The following TBC1D14 variants were observed in gnomAD, a reference collection of about 807,000 sequenced individuals.
TBC1D14 encodes TBC1 domain family, member 14.
TBC1D14 carries 26 observed loss-of-function variants against 79.0 expected under a neutral mutation model. The observed-to-expected ratio is 0.33, with a 90% CI of 0.24 to 0.46. TBC1D14 has a LOEUF of 0.46. Among genes scored for constraint, TBC1D14 ranks in the 20% least tolerant of loss-of-function variants. TBC1D14 has a pLI of 1.00. For synonymous variants in TBC1D14, 394 were observed against 349.9 expected (o/e 1.13, Z -1.40); for missense variants, 769 against 887.6 (o/e 0.87, Z 1.70).
intron 2 of TBC1D14, among the ~76,000 whole-genome samples, chr4:6,934,282 C>T (rs1302198753): frequency 1.3e-5 from 2 of 151,798 alleles, no homozygotes; most frequent in African/African-American, 4.8e-5. Flanking sequence ...GAAGGCAGGG[C>T]TGGTGAGCTG....
At chr4:6,987,032 T>G in intron 3 of TBC1D14, 73 of 294,688 alleles carry the variant, frequency 2.5e-4, no homozygotes, top group Middle Eastern at 1.4e-3. Flanking sequence ...TCGGCGCGCG[T>G]CCCCGGTGTT....
chr4:7,004,983 T>C, intron 8 of TBC1D14, 59 bp downstream of exon 8: 1 of 1,488,618 alleles, frequency 6.7e-7, no homozygotes, highest in East Asian at 2.3e-5. Context: ...TCATTCTTTA[T>C]TACATAGTGA....
chr4:6,998,975 C>T, intron 5 of TBC1D14, 110 bp from the exon 6 acceptor site: 1 of 961,124 alleles, frequency 1.0e-6, no homozygotes, highest in Non-Finnish European at 1.6e-6. Context: ...GCTCGCTCTG[C>T]TTCAGGGCGG....
chr4:7,002,193 G>A (rs1174454766), intron 7 of TBC1D14, among the ~76,000 whole-genome samples: 1 of 152,210 alleles, frequency 6.6e-6, no homozygotes, highest in East Asian at 1.9e-4. Context: ...GTCCTACAGA[G>A]GAACGTGGGG....
intron 7 of TBC1D14, 72 bp from the exon 8 acceptor site, chr4:7,004,772 T>TGGAGGAAACACC (rs1720009140): frequency 7.4e-7 from 1 of 1,349,604 alleles, no homozygotes; most frequent in Non-Finnish European, 1.1e-6. Context: ...GAGGAAATAG[T>TGGAGGAAACACC]ACTGTGTTCT....
intron 2 of TBC1D14, among the ~76,000 whole-genome samples, chr4:6,952,732 G>A (rs1714156285): frequency 6.6e-6 from 1 of 152,174 alleles, no homozygotes; most frequent in Admixed American, 6.5e-5. Context: ...GCTGGCTGGG[G>A]CTTGAGGAGG....
chr4:7,007,340 A>G (rs1238348053), intron 9 of TBC1D14, among the ~76,000 whole-genome samples: 1 of 152,204 alleles, frequency 6.6e-6, no homozygotes, highest in Non-Finnish European at 1.5e-5. Flanking sequence ...CAGGGCTGCC[A>G]GCAGTAGGTT....
chr4:6,947,035 T>C (rs1713537875), intron 2 of TBC1D14, among the ~76,000 whole-genome samples: 2 of 152,190 alleles, frequency 1.3e-5, no homozygotes, highest in South Asian at 4.1e-4. Context: ...TACATGGGCA[T>C]TTTTGCTCTG....
At chr4:6,963,946 C>T (rs113984375) in intron 2 of TBC1D14, among the ~76,000 whole-genome samples, 15,437 of 151,922 alleles carry the variant, frequency 0.1, 1,320 homozygotes, top group African/African-American at 0.23. Context: ...TACAGGCGTG[C>T]GCCACCACGC....
rs377455011 is a variant in TBC1D14 at position 6,953,904 on chromosome 4, C to T, written c.723-13400C>T. ...TTGGCGCTTTTCCAGGTCCGAGGTC[C>T]CGGTGGGTTTTGTGACAGGTAGCCT... On this transcript the variant is annotated intron_variant, in intron 2 of 13. Coordinates refer to ENST00000409757, the MANE Select transcript of TBC1D14 (RefSeq NM_020773.3). Among the ~76,000 whole-genome samples the T allele has an allele frequency of 9.1e-4, 139 of 152,032 alleles. 3 individuals carry two copies. In the South Asian group the frequency reaches 0.028, roughly 31 times the overall value.
intron 11 of TBC1D14, among the ~76,000 whole-genome samples, chr4:7,011,264 G>A (rs74445922): frequency 6.6e-6 from 1 of 151,756 alleles, no homozygotes; most frequent in East Asian, 1.9e-4. Flanking sequence ...TTAAAAGGCA[G>A]CCATTTGTTT....
chr4:6,975,160 C>T (rs1716602710), intron 3 of TBC1D14, among the ~76,000 whole-genome samples: 1 of 151,424 alleles, frequency 6.6e-6, no homozygotes, highest in African/African-American at 2.4e-5. Flanking sequence ...GAGATCCGCC[C>T]ATCTTGGCCT....
chr4:6,958,361 C>T (rs1714852232), intron 2 of TBC1D14, among the ~76,000 whole-genome samples: 2 of 118,046 alleles, frequency 1.7e-5, no homozygotes, highest in African/African-American at 7.9e-5. Context: ...GGGTGATACA[C>T]GTGATCCCCA....
In TBC1D14 at chr4:6,978,042, C is replaced by T. The variant is rs372785887; in HGVS notation, c.843+10618C>T. On this transcript the variant is annotated intron_variant, in intron 3 of 13. Transcript: ENST00000409757. ...CTGGGACGTGAGGAGCGACTCCGCC[C>T]GGCAGCCACCCCGTCTGGGAGGGAG... is the stretch of plus-strand genomic sequence containing the variant. Among the ~76,000 whole-genome samples the T allele has an allele frequency of 3.3e-4, 49 of 150,114 alleles. No individual in the cohort carries two copies. The East Asian group carries it at 8.5e-3, about 26-fold the overall frequency.
intron 3 of TBC1D14, among the ~76,000 whole-genome samples, chr4:6,985,242 A>G (rs1198517470): frequency 6.6e-6 from 1 of 152,234 alleles, no homozygotes; most frequent in Non-Finnish European, 1.5e-5. Flanking sequence ...GGAATTCCAT[A>G]GTAGCATCTG....
rs548725110 is a variant in TBC1D14, at chr4:6,923,893, C to T, written c.504C>T (p.Thr168=). The T allele has an allele frequency of 6.8e-6, 11 of 1,614,158 alleles. No homozygotes were observed. In the Middle Eastern group the frequency reaches 1.6e-3, roughly 242 times the overall value. Residue 168 remains threonine (T), a synonymous_variant, in exon 2 of 14, where the codon ACC becomes ACT. Coordinates refer to ENST00000409757, the MANE Select transcript of TBC1D14 (RefSeq NM_020773.3). ...CCAGTCTTGGGACAGAGCTGTCCAC[C>T]ACGCTGTCCGTCAGCAATGAGGACA... is the stretch of plus-strand genomic sequence containing the variant. The part of the protein sequence containing the change: ...SVSSLGTELS[T]TLSVSNEDIL...
intron 12 of TBC1D14, among the ~76,000 whole-genome samples, chr4:7,023,135 TC>T (rs1478973826): frequency 2.0e-5 from 3 of 152,122 alleles, no homozygotes; most frequent in Non-Finnish European, 2.9e-5. Flanking sequence ...ACGCCTGTAA[TC>T]CCAGCTACTT....
chr4:7,014,812 C>G (rs989946001), intron 12 of TBC1D14, among the ~76,000 whole-genome samples: 2 of 152,212 alleles, frequency 1.3e-5, no homozygotes, highest in Admixed American at 6.5e-5. Flanking sequence ...AGGACCCGTC[C>G]TAAGCACCCG....
At chr4:7,006,811 G>T in intron 9 of TBC1D14, 85 bp downstream of exon 9, 1 of 1,363,632 alleles carries the variant, frequency 7.3e-7, no homozygotes, top group South Asian at 1.3e-5. Context: ...TGTCAAGTTT[G>T]AAAGGTACTT....
Sources: gnomAD v4.1 joint callset for allele counts (sites outside exome capture counted in the v4.1 genomes callset) on GRCh38, gnomAD v4.1.1 for gene constraint, MANE v1.5 for transcripts, NCBI Gene and HGNC (gene_info 2026-07-23, HGNC 2026-07-21) for gene names.